Variants in ZYG11B observed in about 807,000 individuals in gnomAD.
ZYG11B encodes the protein zyg-11 family member B, cell cycle regulator.
A neutral mutation model predicts 82.4 loss-of-function variants in ZYG11B; 36 were observed. The ratio of observed to expected loss-of-function variants is 0.44; its 90% confidence interval spans 0.33 to 0.58. The LOEUF (loss-of-function observed/expected upper bound fraction) is 0.58, where lower values mean the gene tolerates loss of function less well. Among genes scored for constraint, ZYG11B ranks in the 20% least tolerant of loss-of-function variants. The pLI, the probability that ZYG11B is intolerant of heterozygous loss-of-function variation, is 0.02. For synonymous variants in ZYG11B, 303 were observed against 312.8 expected (o/e 0.97, Z 0.33); for missense variants, 552 against 895.6 (o/e 0.62, Z 4.90).
intron 3 of ZYG11B, among the ~76,000 whole-genome samples, chr1:52,779,139 C>T (rs1476622973): frequency 6.6e-6 from 1 of 152,110 alleles, no homozygotes; most frequent in Non-Finnish European, 1.5e-5. Context: ...TCAGAGAGGA[C>T]ATTGTATGAG....
chr1:52,771,359 T>C lies in ZYG11B; in HGVS notation c.536T>C (p.Leu179Pro). 1 of 1,614,242 alleles carries C rather than the reference T, an allele frequency of 6.2e-7. No individual in the cohort carries two copies. The highest frequency in any genetic ancestry group is 8.5e-7 in the Non-Finnish European group (1 of 1,180,046). Residue 179 changes from leucine to proline, a missense_variant, in exon 3 of 14, where the codon CTG becomes CCG. This residue lies in a region of ZYG11B where 359 missense variants were observed against 555.8 expected (regional missense o/e 0.65). Transcript: ENST00000294353. This position sits in a 1 kb window ranked among gnomAD's most constrained non-coding sequence, Gnocchi z 5.4. ...ITNVLFYNED[L>P]AEVASLPRLE... ...AATGTTCTCTTTTACAATGAAGACCTGGCTGAAGTTGCCTCATTGCCAAGA... is the reference window on the plus strand; with the variant it reads ...AATGTTCTCTTTTACAATGAAGACCCGGCTGAAGTTGCCTCATTGCCAAGA...
intron 1 of ZYG11B, among the ~76,000 whole-genome samples, chr1:52,748,635 G>A (rs1644495206): frequency 6.6e-6 from 1 of 152,194 alleles, no homozygotes; most frequent in African/African-American, 2.4e-5. Flanking sequence ...GTCCGAGGCG[G>A]GCAGATCACC....
intron 10 of ZYG11B, among the ~76,000 whole-genome samples, chr1:52,803,637 T>C (rs1645117675): frequency 6.6e-6 from 1 of 152,196 alleles, no homozygotes; most frequent in Non-Finnish European, 1.5e-5. Flanking sequence ...TCTGTCACTC[T>C]GTTGCCCATT....
chr1:52,748,961 GAGGCTA>G (rs1210810979), intron 1 of ZYG11B, among the ~76,000 whole-genome samples: 2 of 151,678 alleles, frequency 1.3e-5, no homozygotes, highest in Non-Finnish European at 2.9e-5. Context: ...AGCACTTTGG[GAGGCTA>G]AGGCAGGCAG....
intron 2 of ZYG11B, among the ~76,000 whole-genome samples, chr1:52,765,212 T>A (rs763419414): frequency 2.3e-4 from 35 of 151,496 alleles, no homozygotes; most frequent in Admixed American, 4.6e-4. Context: ...TTAAAAAAAA[T>A]TATTTTTTGA....
At chr1:52,821,141 GT>G (rs1264059102) in intron 13 of ZYG11B, among the ~76,000 whole-genome samples, 3 of 151,212 alleles carry the variant, frequency 2.0e-5, no homozygotes, top group African/African-American at 7.3e-5. Flanking sequence ...ACACTTACCT[GT>G]GATTTTGGGT....
At chr1:52,729,925 A>T (rs1243185761) in intron 1 of ZYG11B, among the ~76,000 whole-genome samples, 1 of 152,066 alleles carries the variant, frequency 6.6e-6, no homozygotes, top group African/African-American at 2.4e-5. Context: ...CTCTCACCTC[A>T]GCCTCCCAAG....
Position 52,783,882 on chromosome 1 carries a change from A to ATGTACATACACGTGTGTGTGTG in ZYG11B, c.1093-994_1093-993insGTACATACACGTGTGTGTGTGT, listed in dbSNP as rs74208826. On this transcript the variant is annotated intron_variant, in intron 4 of 13. Transcript: ENST00000294353. ...TGTGTATGTACATACACGTGTGTGTATATGTACATACACGTGTGTGTATAT... is the reference window on the plus strand; with the variant it reads ...TGTGTATGTACATACACGTGTGTGTATGTACATACACGTGTGTGTGTGTATGTACATACACGTGTGTGTATAT... Among the ~76,000 whole-genome samples the ATGTACATACACGTGTGTGTGTG allele has an allele frequency of 1.3e-4, 17 of 126,012 alleles. 3 individuals are homozygous for ATGTACATACACGTGTGTGTGTG. The highest frequency in any genetic ancestry group is 5.2e-4 in the South Asian group (2 of 3,858). The allele number at this position is 126,012 out of a possible 152,430, so 82.7% of individuals were successfully genotyped here. A position where few individuals can be genotyped will look rare whatever the true frequency, so the allele number is the denominator to read the frequency against.
chr1:52,772,362 A>G (rs1281411961), intron 3 of ZYG11B: 2 of 1,525,140 alleles, frequency 1.3e-6, no homozygotes, highest in Admixed American at 1.7e-5. Flanking sequence ...TTGAACAGCA[A>G]CTGCTTTCTT....
intron 8 of ZYG11B, among the ~76,000 whole-genome samples, chr1:52,797,371 T>C (rs1265964192): frequency 1.9e-5 from 2 of 105,180 alleles, no homozygotes; most frequent in Non-Finnish European, 3.5e-5. Context: ...ACATATAATA[T>C]ATAATATATA....
At chr1:52,735,838 T>C (rs1644374340) in intron 1 of ZYG11B, among the ~76,000 whole-genome samples, 1 of 152,130 alleles carries the variant, frequency 6.6e-6, no homozygotes, top group Non-Finnish European at 1.5e-5. Flanking sequence ...TCTGAGACAA[T>C]AGACCCTGTG....
chr1:52,797,471 T>G (rs1211911006), intron 8 of ZYG11B, among the ~76,000 whole-genome samples: 118 of 111,506 alleles, frequency 1.1e-3, no homozygotes, highest in African/African-American at 2.9e-3. Context: ...ATATATATAT[T>G]ATATATGATA....
chr1:52,767,525 G>A (rs936242005), intron 2 of ZYG11B, among the ~76,000 whole-genome samples: 2 of 151,800 alleles, frequency 1.3e-5, no homozygotes, highest in African/African-American at 4.9e-5. Flanking sequence ...AGATGGTCTC[G>A]ATCTCCTGAC....
At chr1:52,730,229 TTGAC>T (rs1158498206) in intron 1 of ZYG11B, among the ~76,000 whole-genome samples, 7 of 152,162 alleles carry the variant, frequency 4.6e-5, no homozygotes, top group Admixed American at 1.3e-4. Context: ...TGGAGTGTCT[TTGAC>T]TGTGTTGACA....
intron 1 of ZYG11B, among the ~76,000 whole-genome samples, chr1:52,753,706 C>T (rs945293848): frequency 6.6e-5 from 10 of 152,140 alleles, no homozygotes; most frequent in African/African-American, 2.2e-4. Flanking sequence ...AAGCGATTCT[C>T]CTGCCTCAGC....
chr1:52,807,860 C>T (rs902947079), intron 10 of ZYG11B, among the ~76,000 whole-genome samples: 2 of 151,348 alleles, frequency 1.3e-5, no homozygotes. Flanking sequence ...ATGATGAATT[C>T]TTCAGCTTTT....
intron 5 of ZYG11B, among the ~76,000 whole-genome samples, chr1:52,785,930 C>T (rs748242357): frequency 2.0e-5 from 3 of 152,070 alleles, no homozygotes; most frequent in African/African-American, 4.8e-5. Context: ...TTTTCGTGGC[C>T]TCTGGAAGCC....
At chr1:52,788,131 T>C (rs1216670262) in intron 5 of ZYG11B, among the ~76,000 whole-genome samples, 1 of 152,002 alleles carries the variant, frequency 6.6e-6, no homozygotes, top group East Asian at 1.9e-4. Flanking sequence ...GGAAGGGCAG[T>C]GTAGGATGAG....
chr1:52,734,298 A>G (rs181540839), intron 1 of ZYG11B, among the ~76,000 whole-genome samples: 1 of 152,130 alleles, frequency 6.6e-6, no homozygotes, highest in African/African-American at 2.4e-5. Flanking sequence ...GCAGACATCA[A>G]TATTGAATGT....
Sources: gnomAD v4.1 joint callset for allele counts (sites outside exome capture counted in the v4.1 genomes callset) on GRCh38, gnomAD v4.1.1 for gene constraint, gnomAD v4.1.1 regional missense constraint, Gnocchi (gnomAD v3.1) non-coding constraint, MANE v1.5 for transcripts, NCBI Gene and HGNC (gene_info 2026-07-23, HGNC 2026-07-21) for gene names.